RUNX1: variants seen among roughly 807,000 people sequenced by gnomAD.
RUNX1 encodes the protein RUNX family transcription factor 1, also known as runt-related transcription factor 1.
In RUNX1, 19 loss-of-function variants were observed where a neutral mutation model predicts 42.8. The observed-to-expected ratio is 0.44, with a 90% confidence interval of 0.31 to 0.65. The LOEUF (loss-of-function observed/expected upper bound fraction) is 0.65, where lower values mean the gene tolerates loss of function less well. Ranked by LOEUF, RUNX1 falls within the 30% of genes least tolerant of loss-of-function variation. The pLI, the probability that RUNX1 is intolerant of heterozygous loss-of-function variation, is 0.07. For missense variants in RUNX1, 528 were observed against 672.0 expected (o/e 0.79, Z 2.37); for synonymous variants, 271 against 289.4 (o/e 0.94, Z 0.64).
intron 2 of RUNX1, among the ~76,000 whole-genome samples, chr21:34,922,026 A>G (rs2058357972): frequency 6.6e-6 from 1 of 152,210 alleles, no homozygotes. Flanking sequence ...TAATTAATTG[A>G]TCTTGAATAC....
At chr21:34,800,612 T>C (rs1272933348) in intron 7 of RUNX1, among the ~76,000 whole-genome samples, 1 of 152,202 alleles carries the variant, frequency 6.6e-6, no homozygotes, top group Admixed American at 6.5e-5. Context: ...TATAAAATAT[T>C]CAGATCTGCT....
Position 34,872,313 on chromosome 21 carries a change from C to G in RUNX1, c.508+8244G>C, listed in dbSNP as rs188025581. On this transcript the variant is annotated intron_variant, in intron 5 of 8. Transcript: ENST00000675419. ...TCGTGGACCTCACCTGTGTGACATTCATGAGGGGGTGGCTACAGTGGGGAG... is the reference window on the plus strand; with the variant it reads ...TCGTGGACCTCACCTGTGTGACATTGATGAGGGGGTGGCTACAGTGGGGAG... Among the ~76,000 whole-genome samples the G allele has an allele frequency of 2.7e-4, 41 of 152,296 alleles. 1 individual carries two copies. In the East Asian group the frequency reaches 7.1e-3, roughly 27 times the overall value.
intron 5 of RUNX1, among the ~76,000 whole-genome samples, chr21:34,871,867 G>A (rs550481997): frequency 2.0e-5 from 3 of 149,460 alleles, no homozygotes; most frequent in East Asian, 2.0e-4. Flanking sequence ...TTTTTTAGAC[G>A]GAGTCTTGCT....
At chr21:34,849,936 T>C (rs1313977738) in intron 6 of RUNX1, among the ~76,000 whole-genome samples, 2 of 151,420 alleles carry the variant, frequency 1.3e-5, no homozygotes, top group Non-Finnish European at 1.5e-5. Flanking sequence ...ATTATTACTA[T>C]TATTATTTTG....
chr21:34,815,925 G>T (rs1214328361), intron 7 of RUNX1, among the ~76,000 whole-genome samples: 2 of 152,142 alleles, frequency 1.3e-5, no homozygotes, highest in Non-Finnish European at 2.9e-5. Context: ...TTAGCAGAAG[G>T]CTGTGAAAGT....
intron 6 of RUNX1, among the ~76,000 whole-genome samples, chr21:34,854,979 A>C (rs186547037): frequency 5.9e-4 from 90 of 152,094 alleles, no homozygotes; most frequent in African/African-American, 2.1e-3. Flanking sequence ...ACAAACAAAC[A>C]AAAAAATCAA....
At chr21:34,823,409 C>T (rs1324727476) in intron 7 of RUNX1, among the ~76,000 whole-genome samples, 7 of 144,826 alleles carry the variant, frequency 4.8e-5, no homozygotes, top group Admixed American at 6.9e-5. Flanking sequence ...AGGAATTAAG[C>T]ACCATTTCCA....
chr21:34,890,165 T>C (rs1218113512), intron 3 of RUNX1, among the ~76,000 whole-genome samples: 1 of 151,644 alleles, frequency 6.6e-6, no homozygotes, highest in Admixed American at 6.6e-5. Flanking sequence ...GGGCCCGGAC[T>C]GCGCGGAGCT....
chr21:34,980,585 T>C (rs1403897739), intron 2 of RUNX1, among the ~76,000 whole-genome samples: 1 of 152,238 alleles, frequency 6.6e-6, no homozygotes, highest in Non-Finnish European at 1.5e-5. Flanking sequence ...GATTTTCATT[T>C]CTGCTGAGTG....
intron 7 of RUNX1, among the ~76,000 whole-genome samples, chr21:34,801,356 C>T (rs561378580): frequency 2.1e-5 from 3 of 142,568 alleles, no homozygotes; most frequent in South Asian, 4.1e-4. Flanking sequence ...AGTACTATGC[C>T]ATGATTCATG....
chr21:34,962,410 T>C lies in RUNX1; in HGVS notation c.59-69447A>G, dbSNP rs192141426. On this transcript the variant is annotated intron_variant, in intron 2 of 8. Coordinates refer to ENST00000675419, the MANE Select transcript of RUNX1 (RefSeq NM_001754.5). ...ACCAAAAGAAAGTTTCTTTCTCTGC[T>C]TTTCATTCTCCTGTTAACTCTTCCC... is the stretch of plus-strand genomic sequence containing the variant. Among the ~76,000 whole-genome samples the C allele has an allele frequency of 2.6e-5, 4 of 152,346 alleles. No homozygotes were observed. In the East Asian group the frequency reaches 7.7e-4, roughly 29 times the overall value.
rs144212466 is a variant in RUNX1, at chr21:34,920,019, C to G, written c.59-27056G>C. Among the ~76,000 whole-genome samples, 58 of 152,298 alleles carry G rather than the reference C, an allele frequency of 3.8e-4. No homozygotes were observed. The East Asian group carries it at 0.01, about 27-fold the overall frequency. ...AGCAAAAGCCTCTTCCTTTCAGGAG[C>G]TGACCTTCCAGGTGCAGATAGAAAC... On this transcript the variant is annotated intron_variant, in intron 2 of 8. Transcript: ENST00000675419.
intron 2 of RUNX1, among the ~76,000 whole-genome samples, chr21:35,010,308 C>T (rs2059116517): frequency 2.0e-5 from 3 of 152,002 alleles, no homozygotes; most frequent in African/African-American, 7.3e-5. Flanking sequence ...GTAACAACAA[C>T]TGCTAGGAAT....
chr21:34,856,678 G>A (rs1433499066), intron 6 of RUNX1, among the ~76,000 whole-genome samples: 1 of 152,158 alleles, frequency 6.6e-6, no homozygotes, highest in African/African-American at 2.4e-5. Context: ...CTCTTCTCAG[G>A]CCCCTCCTAG....
chr21:34,852,176 A>G (rs1308112367), intron 6 of RUNX1, among the ~76,000 whole-genome samples: 1 of 151,944 alleles, frequency 6.6e-6, no homozygotes, highest in Non-Finnish European at 1.5e-5. Flanking sequence ...TCAAAAAACA[A>G]AACAAAACAA....
At chr21:34,967,882 C>T (rs542442686) in intron 2 of RUNX1, among the ~76,000 whole-genome samples, 8 of 152,190 alleles carry the variant, frequency 5.3e-5, no homozygotes, top group Non-Finnish European at 1.0e-4. Context: ...ATCTTTTCCA[C>T]GTCAGATTGA....
chr21:34,851,523 A>G (rs2057418436), intron 6 of RUNX1, among the ~76,000 whole-genome samples: 1 of 152,206 alleles, frequency 6.6e-6, no homozygotes, highest in African/African-American at 2.4e-5. Context: ...AGGTCCCTAA[A>G]TTCAGGATCC....
chr21:34,967,314 G>A (rs562816443), intron 2 of RUNX1, among the ~76,000 whole-genome samples: 4 of 54,024 alleles, frequency 7.4e-5, no homozygotes, highest in Admixed American at 3.5e-4. Context: ...TGTGAGACTC[G>A]GTCTCAAAAA....
chr21:34,803,416 G>A (rs563677681), intron 7 of RUNX1, among the ~76,000 whole-genome samples: 2 of 151,930 alleles, frequency 1.3e-5, no homozygotes, highest in African/African-American at 2.4e-5. Context: ...GCATGGTGGC[G>A]GGCGCCTGTA....
Sources: gnomAD v4.1 joint callset for allele counts (sites outside exome capture counted in the v4.1 genomes callset) on GRCh38, gnomAD v4.1.1 for gene constraint, MANE v1.5 for transcripts, NCBI Gene and HGNC (gene_info 2026-07-23, HGNC 2026-07-21) for gene names.